The following SGSM2 variants were observed in gnomAD, a reference collection of about 807,000 sequenced individuals.
SGSM2 encodes the protein RUN and TBC1 domain containing 1.
SGSM2 carries 89 observed loss-of-function variants against 126.6 expected under a neutral mutation model. The ratio of observed to expected loss-of-function variants is 0.70; its 90% CI spans 0.59 to 0.84. The LOEUF (loss-of-function observed/expected upper bound fraction) is 0.84. Among genes scored for constraint, SGSM2 ranks in the 40% least tolerant of loss-of-function variants. The probability of loss-of-function intolerance (pLI) is 0.00; values close to 1 mark genes in which losing one functional copy is unlikely to be tolerated. For synonymous variants in SGSM2, 614 were observed against 574.3 expected, an observed-to-expected ratio of 1.07 and a Z score of -0.99; for missense variants, 1,404 against 1,416.6, an observed-to-expected ratio of 0.99 and a Z score of 0.14.
chr17:2,342,501 G>C (rs2064417343), intron 1 of SGSM2, among the ~76,000 whole-genome samples: 1 of 152,104 alleles, frequency 6.6e-6, no homozygotes, highest in Non-Finnish European at 1.5e-5. Context: ...ACCCTTAGGG[G>C]GAATAGTGAC....
At chr17:2,355,376 G>A (rs1250804297) in intron 2 of SGSM2, among the ~76,000 whole-genome samples, 1 of 50,066 alleles carries the variant, frequency 2.0e-5, no homozygotes, top group Non-Finnish European at 4.7e-5. Context: ...GTGGAATCGG[G>A]GTGTAAGGGT....
chr17:2,351,030 A>C (rs1330613774), intron 2 of SGSM2, among the ~76,000 whole-genome samples: 1 of 152,102 alleles, frequency 6.6e-6, no homozygotes, highest in Non-Finnish European at 1.5e-5. Flanking sequence ...AGGAGGGTGG[A>C]TCACTTGAGG....
At chr17:2,350,746 G>C (rs759475052) in intron 2 of SGSM2, among the ~76,000 whole-genome samples, 2 of 152,198 alleles carry the variant, frequency 1.3e-5, no homozygotes, top group African/African-American at 2.4e-5. Flanking sequence ...GGAAGGCAGG[G>C]ACTGGGCATG....
rs2065436593 is a variant in SGSM2, at chr17:2,363,898, T to C, written c.808-161T>C. The C allele has an allele frequency of 6.9e-6, 6 of 874,850 alleles. No individual in the cohort carries two copies. The highest frequency in any genetic ancestry group is 1.0e-5 in the Non-Finnish European group (6 of 572,476). The allele number at this position is 874,850 out of a possible 1,614,324, so 54.2% of individuals were successfully genotyped here. On this transcript the variant is annotated intron_variant, in intron 7 of 23. Transcript: ENST00000268989. This position sits in a 1 kb window ranked among gnomAD's most constrained non-coding sequence, Gnocchi z 4.2. ...GTGGCACCAGGCTGACCAGGGAAAC[T>C]GAGTCCTGTTTTCCTGTGCTTCTGC...
intron 2 of SGSM2, 46 bp from the exon 3 acceptor site, chr17:2,361,590 TC>T: frequency 1.3e-6 from 2 of 1,597,664 alleles, no homozygotes; most frequent in Non-Finnish European, 8.5e-7. Context: ...TTCTTCCTGC[TC>T]CCCCGTCTTT....
In SGSM2 at chr17:2,367,481, G is replaced by T; in HGVS notation, c.1423+76G>T. The T allele has an allele frequency of 1.3e-6, 2 of 1,534,312 alleles. No homozygotes were observed. Among genetic ancestry groups the T allele is most frequent in the Non-Finnish European group, 1.8e-6 (2 of 1,127,670 alleles). ...GGGCCCGCCTGCCACCCACCACAGGGGTTCGAACGGCAGTGTTGGCATTAG... is the reference window on the plus strand; with the variant it reads ...GGGCCCGCCTGCCACCCACCACAGGTGTTCGAACGGCAGTGTTGGCATTAG... On this transcript the variant is annotated intron_variant, in intron 12 of 23. Transcript: ENST00000268989. The surrounding 1 kb of genome is among the most constrained non-coding windows in gnomAD (Gnocchi z 4.0).
Position 2,379,156 on chromosome 17 carries a change from T to C in SGSM2, c.3020T>C (p.Ile1007Thr). ...LALVEAYREI[I>T]RDNNMDFTDI... ...CTGGTGGAGGCCTACCGAGAGATCATCCGTGACAACAACATGGACTTCACT... is the reference window on the plus strand; with the variant it reads ...CTGGTGGAGGCCTACCGAGAGATCACCCGTGACAACAACATGGACTTCACT... Residue 1007 changes from isoleucine to threonine, a missense_variant, in exon 23 of 24, where the codon ATC becomes ACC. By Grantham distance (89) the Ile-to-Thr change is moderately conservative. Coordinates refer to ENST00000268989, the MANE Select transcript of SGSM2 (RefSeq NM_014853.3). 1 of 1,614,132 alleles carries C rather than the reference T, an allele frequency of 6.2e-7. No individual in the cohort carries two copies.
Position 2,367,079 on chromosome 17 carries a change from GC to G in SGSM2, c.1289-188del. The G allele has an allele frequency of 1.6e-6, 1 of 607,514 alleles. No homozygotes were observed. Among genetic ancestry groups the G allele is most frequent in the Non-Finnish European group, 2.8e-6 (1 of 355,250 alleles). 37.6% of individuals were successfully genotyped at this position (607,514 alleles called of 1,614,324 possible). A position where few individuals can be genotyped will look rare whatever the true frequency, so the allele number is the denominator to read the frequency against. On this transcript the variant is annotated intron_variant, in intron 11 of 23. Transcript: ENST00000268989. This position sits in a 1 kb window ranked among gnomAD's most constrained non-coding sequence, Gnocchi z 4.0. Reference sequence around the variant, plus strand: ...AGAGTGAGGTTCTGCAGCTGCCCCAGCCCCTCGCCTCCTTCCACACTCTCCC... The same window carrying G: ...AGAGTGAGGTTCTGCAGCTGCCCCAGCCCTCGCCTCCTTCCACACTCTCCC...
Position 2,365,347 on chromosome 17 carries a change from T to C in SGSM2, c.1288+6T>C, listed in dbSNP as rs1464963969. 2.0e-6 allele frequency: 3 copies of C among 1,537,218 alleles called. No homozygotes were observed. Among genetic ancestry groups the C allele is most frequent in the African/African-American group, 1.4e-5 (1 of 72,770 alleles). On this transcript the variant is annotated splice_donor_region_variant and intron_variant, in intron 11 of 23. Coordinates refer to ENST00000268989, the MANE Select transcript of SGSM2 (RefSeq NM_014853.3). ...CGGCCACAGGCACGAGCACAGTGAG[T>C]GTCCCGAGCTTCATCCCGGGGGAGG...
chr17:2,363,271 C>A lies in SGSM2; in HGVS notation c.672+137C>A. On this transcript the variant is annotated intron_variant, in intron 6 of 23. Transcript: ENST00000268989. This position sits in a 1 kb window ranked among gnomAD's most constrained non-coding sequence, Gnocchi z 4.2. Reference sequence around the variant, plus strand: ...GGCTGCCTCAGAAGAGCCTTCTCCGCACAATAAAACTTAACACAAATGCCG... The same window carrying A: ...GGCTGCCTCAGAAGAGCCTTCTCCGAACAATAAAACTTAACACAAATGCCG... 1 of 1,334,676 alleles carries A rather than the reference C, an allele frequency of 7.5e-7. No homozygotes were observed. Among genetic ancestry groups the A allele is most frequent in the Non-Finnish European group, 1.0e-6 (1 of 994,642 alleles). 82.7% of individuals were successfully genotyped at this position (1,334,676 alleles called of 1,614,324 possible). A position where few individuals can be genotyped will look rare whatever the true frequency, so the allele number is the denominator to read the frequency against.
intron 2 of SGSM2, among the ~76,000 whole-genome samples, chr17:2,353,395 A>C (rs1052522615): frequency 2.0e-5 from 3 of 152,132 alleles, no homozygotes; most frequent in Non-Finnish European, 1.5e-5. Context: ...AGTGCTGGTC[A>C]CCCACTCAAT....
At chr17:2,365,470 GCCT>G in intron 11 of SGSM2, 129 bp downstream of exon 11, 6 of 1,106,636 alleles carry the variant, frequency 5.4e-6, no homozygotes, top group Non-Finnish European at 7.5e-6. Flanking sequence ...GAGGCTCATC[GCCT>G]AGCCTCTCAG....
intron 2 of SGSM2, among the ~76,000 whole-genome samples, chr17:2,348,465 C>G (rs548862909): frequency 6.6e-6 from 1 of 152,302 alleles, no homozygotes; most frequent in South Asian, 2.1e-4. Context: ...TAACTCGTGC[C>G]TTCCATCTAG....
intron 17 of SGSM2, 77 bp from the exon 18 acceptor site, chr17:2,375,415 C>T (rs1422487884): frequency 6.6e-7 from 1 of 1,510,500 alleles, no homozygotes; most frequent in Non-Finnish European, 8.9e-7. Context: ...ATTCCAGCTC[C>T]CTTCTGGCCC....
chr17:2,366,977 C>G, intron 11 of SGSM2: 1 of 364,004 alleles, frequency 2.7e-6, no homozygotes, highest in Non-Finnish European at 5.1e-6. Context: ...GCCAGCCCAT[C>G]CCAGACAGTC....
In SGSM2 at chr17:2,362,824, C is replaced by G. The variant is rs2065378719; in HGVS notation, c.459-14C>G. On this transcript the variant is annotated splice_polypyrimidine_tract_variant and intron_variant, in intron 4 of 23. Transcript: ENST00000268989. This position sits in a 1 kb window ranked among gnomAD's most constrained non-coding sequence, Gnocchi z 4.9. ...CCCGGAGCCTCGGCAGTCACACTGTCTGTCTCCTGGCAGCAAGTACTACGA... is the reference window on the plus strand; with the variant it reads ...CCCGGAGCCTCGGCAGTCACACTGTGTGTCTCCTGGCAGCAAGTACTACGA... The G allele has an allele frequency of 6.2e-7, 1 of 1,613,734 alleles. No homozygotes were observed. Among genetic ancestry groups the G allele is most frequent in the Admixed American group, 1.7e-5 (1 of 60,014 alleles).
chr17:2,340,678 G>A (rs775573329), intron 1 of SGSM2, among the ~76,000 whole-genome samples: 33 of 151,520 alleles, frequency 2.2e-4, no homozygotes, highest in Admixed American at 6.6e-4. Context: ...TCCGCCTCCC[G>A]GGTTCACGCC....
intron 2 of SGSM2, among the ~76,000 whole-genome samples, chr17:2,360,212 T>C (rs2151552302): frequency 6.6e-6 from 1 of 152,204 alleles, no homozygotes; most frequent in South Asian, 2.1e-4. Context: ...CATGGTGGTG[T>C]GTGCCTGTAG....
rs199606421 is a variant in SGSM2, at chr17:2,375,632, T to C, written c.2241T>C (p.Ser747=). Residue 747 remains serine, a synonymous_variant, in exon 18 of 24, where the codon TCT becomes TCC. Transcript: ENST00000268989. The stretch of plus-strand genomic sequence containing the variant: ...AGCAGCATTCCGTGGAGTTCGACTC[T>C]CCAGACTCAGGACTGCCCTCCTCTC... The part of the protein sequence containing the change: ...VEQQHSVEFD[S]PDSGLPSSRN... The C allele has an allele frequency of 6.2e-7, 1 of 1,613,968 alleles. No individual in the cohort carries two copies. Among genetic ancestry groups the C allele is most frequent in the Non-Finnish European group, 8.5e-7 (1 of 1,180,014 alleles).
Sources: allele counts gnomAD v4.1 joint callset (sites outside exome capture counted in the v4.1 genomes callset), GRCh38; gene constraint gnomAD v4.1.1; non-coding constraint Gnocchi (gnomAD v3.1); transcripts MANE v1.5; gene names NCBI Gene and HGNC (gene_info 2026-07-23, HGNC 2026-07-21).